Variants in SEC11A observed in about 807,000 individuals in gnomAD.
SEC11A encodes signal peptidase complex catalytic subunit SEC11A.
SEC11A carries 14 observed loss-of-function variants against 25.6 expected under a neutral mutation model. That is an observed-to-expected ratio of 0.55 (90% CI 0.36 to 0.85). SEC11A has a LOEUF of 0.85. Among genes scored for constraint, SEC11A ranks in the 40% least tolerant of loss-of-function variants. SEC11A has a pLI of 0.01. For synonymous variants in SEC11A, 83 were observed against 76.4 expected, an observed-to-expected ratio of 1.09 and a Z score of -0.45; for missense variants, 153 against 222.9, an observed-to-expected ratio of 0.69 and a Z score of 2.00.
chr15:84,700,984 C>CAA (rs57015135), intron 1 of SEC11A, among the ~76,000 whole-genome samples: 966 of 77,864 alleles, frequency 0.012, 21 homozygotes, highest in African/African-American at 0.032. Flanking sequence ...AACTCCATAT[C>CAA]AAAAAAAAAA....
chr15:84,706,880 CAGA>C (rs952897369), intron 1 of SEC11A, among the ~76,000 whole-genome samples: 1 of 152,192 alleles, frequency 6.6e-6, no homozygotes, highest in Non-Finnish European at 1.5e-5. Flanking sequence ...TGCAATTACG[CAGA>C]AGGTCACTGT....
intron 4 of SEC11A, among the ~76,000 whole-genome samples, chr15:84,678,178 C>T (rs559031875): frequency 4.9e-4 from 74 of 151,356 alleles, no homozygotes; most frequent in Non-Finnish European, 6.6e-4. Flanking sequence ...GCCTGGGCAA[C>T]AGAGCAAGAC....
At chr15:84,689,000 A>C (rs1897514352) in intron 2 of SEC11A, among the ~76,000 whole-genome samples, 1 of 150,510 alleles carries the variant, frequency 6.6e-6, no homozygotes, top group South Asian at 2.1e-4. Flanking sequence ...ATTGCACTCC[A>C]GCCTGGGCAA....
At chr15:84,693,313 C>A (rs1269376419) in intron 1 of SEC11A, among the ~76,000 whole-genome samples, 4 of 149,356 alleles carry the variant, frequency 2.7e-5, no homozygotes, top group Non-Finnish European at 5.9e-5. Context: ...TCATTCAGTT[C>A]TAATAATGCA....
Position 84,674,556 on chromosome 15 carries a change from A to T in SEC11A, c.432-3774T>A, listed in dbSNP as rs77583755. ...TGCTTGTGAATAATCCATGGAATTT[A>T]AAAAAAAAAATTTTTTTTTTGATAC... On this transcript the variant is annotated intron_variant, in intron 4 of 5. Transcript: ENST00000268220. Among the ~76,000 whole-genome samples, 779 of 132,246 alleles carry T rather than the reference A, an allele frequency of 5.9e-3. 10 individuals are homozygous for T. Among genetic ancestry groups the T allele is most frequent in the Admixed American group, 0.02 (272 of 13,770 alleles). The allele number at this position is 132,246 out of a possible 152,430, so 86.8% of individuals were successfully genotyped here.
chr15:84,679,385 C>T (rs780800841), intron 4 of SEC11A: 10 of 410,510 alleles, frequency 2.4e-5, no homozygotes, highest in Non-Finnish European at 4.4e-5. Flanking sequence ...AGCTCTGCAG[C>T]AGGCAAAGCA....
At chr15:84,704,115 C>T (rs995527240) in intron 1 of SEC11A, among the ~76,000 whole-genome samples, 1 of 152,204 alleles carries the variant, frequency 6.6e-6, no homozygotes, top group African/African-American at 2.4e-5. Context: ...GCTGATCATA[C>T]TGGATCATTT....
intron 1 of SEC11A, among the ~76,000 whole-genome samples, chr15:84,704,171 G>A (rs959147327): frequency 2.0e-5 from 3 of 152,148 alleles, no homozygotes; most frequent in East Asian, 1.9e-4. Flanking sequence ...AGTAAACTCC[G>A]GATATAGATT....
intron 4 of SEC11A, among the ~76,000 whole-genome samples, chr15:84,679,769 G>A (rs928818627): frequency 9.2e-5 from 14 of 152,156 alleles, no homozygotes; most frequent in African/African-American, 3.4e-4. Flanking sequence ...TGTAGAATGG[G>A]AATATTAGGG....
At chr15:84,707,643 T>C (rs1898136455) in intron 1 of SEC11A, among the ~76,000 whole-genome samples, 1 of 152,190 alleles carries the variant, frequency 6.6e-6, no homozygotes, top group African/African-American at 2.4e-5. Flanking sequence ...ACTTTCTTCC[T>C]TGAGCAGAAA....
At chr15:84,674,745 A>G (rs1161733491) in intron 4 of SEC11A, among the ~76,000 whole-genome samples, 1 of 152,058 alleles carries the variant, frequency 6.6e-6, no homozygotes, top group African/African-American at 2.4e-5. Flanking sequence ...TTTTTTGTAG[A>G]GACAGCATCT....
At chr15:84,683,014 T>C (rs1359637627) in intron 3 of SEC11A, among the ~76,000 whole-genome samples, 2 of 151,902 alleles carry the variant, frequency 1.3e-5, no homozygotes, top group East Asian at 1.9e-4. Context: ...GGAAACTAAA[T>C]TGGGAGGTGT....
At chr15:84,695,813 G>A (rs1324360710) in intron 1 of SEC11A, among the ~76,000 whole-genome samples, 2 of 152,134 alleles carry the variant, frequency 1.3e-5, no homozygotes, top group African/African-American at 4.8e-5. Flanking sequence ...TAAATGCACA[G>A]TTAATCTCTG....
At chr15:84,689,908 T>A (rs1596075286) in intron 2 of SEC11A, among the ~76,000 whole-genome samples, 1 of 152,072 alleles carries the variant, frequency 6.6e-6, no homozygotes, top group East Asian at 1.9e-4. Flanking sequence ...ACACCCAGCC[T>A]ATAATGTTTC....
chr15:84,684,718 G>C (rs1422543692), intron 3 of SEC11A, among the ~76,000 whole-genome samples: 1 of 152,118 alleles, frequency 6.6e-6, no homozygotes, highest in Non-Finnish European at 1.5e-5. Context: ...AATCATTTGA[G>C]GTCCGGAGTT....
chr15:84,707,044 T>C (rs1898115728), intron 1 of SEC11A, among the ~76,000 whole-genome samples: 1 of 152,146 alleles, frequency 6.6e-6, no homozygotes, highest in African/African-American at 2.4e-5. Context: ...TGTGGAATCC[T>C]GTCCCACACT....
chr15:84,687,822 A>C, intron 2 of SEC11A, 48 bp from the exon 3 acceptor site: 1 of 1,489,588 alleles, frequency 6.7e-7, no homozygotes, highest in Non-Finnish European at 9.0e-7. Flanking sequence ...TATGAGATTA[A>C]ATGTACTTTC....
At chr15:84,689,305 A>G (rs1897528772) in intron 2 of SEC11A, among the ~76,000 whole-genome samples, 1 of 152,164 alleles carries the variant, frequency 6.6e-6, no homozygotes, top group South Asian at 2.1e-4. Context: ...TGATGAATAT[A>G]TTCACTTGCT....
chr15:84,681,562 G>A (rs543010073), intron 3 of SEC11A, among the ~76,000 whole-genome samples: 17 of 152,170 alleles, frequency 1.1e-4, no homozygotes, highest in African/African-American at 3.6e-4. Context: ...CCCAGGAGGC[G>A]GAGGTTGCAG....
Sources: gnomAD v4.1 joint callset for allele counts (sites outside exome capture counted in the v4.1 genomes callset) on GRCh38, gnomAD v4.1.1 for gene constraint, MANE v1.5 for transcripts, NCBI Gene and HGNC (gene_info 2026-07-23, HGNC 2026-07-21) for gene names.